The following MT1A variants were observed in gnomAD, a reference collection of about 807,000 sequenced individuals.
MT1A encodes metallothionein 1A, also known as metallothionein-1A.
Under a neutral mutation model 5.5 loss-of-function variants are expected in MT1A, and 6 were observed. That is an observed-to-expected ratio of 1.09 (90% CI 0.60 to 2.16). The LOEUF is 2.16. Among genes scored for constraint, MT1A ranks in the 30% most tolerant of loss-of-function variants. The pLI, the probability that MT1A is intolerant of heterozygous loss-of-function variation, is 0.00. For synonymous variants in MT1A, 23 were observed against 24.8 expected (o/e 0.93, Z 0.21); for missense variants, 69 against 73.4 (o/e 0.94, Z 0.22).
At chr16:56,638,832 G>A (rs1960409604) in intron 1 of MT1A, 66 bp downstream of exon 1, 15 of 1,590,538 alleles carry the variant, frequency 9.4e-6, no homozygotes, top group Non-Finnish European at 1.2e-5. Flanking sequence ...GATGTCCCTA[G>A]GAGTAGAGGT....
chr16:56,639,995 C>T lies in MT1A; in HGVS notation c.*45C>T, dbSNP rs1290863601. Reference sequence around the variant, plus strand: ...GAAGATATAGAAAGAGTGACCTGCACAAACTTGGAATTTTTTTTCCATACA... The same window carrying T: ...GAAGATATAGAAAGAGTGACCTGCATAAACTTGGAATTTTTTTTCCATACA... On this transcript the variant is annotated 3_prime_UTR_variant, in exon 3 of 3. Transcript: ENST00000290705. 1.9e-6 allele frequency: 3 copies of T among 1,607,034 alleles called. No homozygotes were observed. The highest frequency in any genetic ancestry group is 2.2e-5 in the South Asian group (2 of 90,490).
rs1010436105 is a variant in MT1A, at chr16:56,638,842, T to G, written c.28+76T>G. 10 of 1,572,154 alleles carry G rather than the reference T, an allele frequency of 6.4e-6. No individual in the cohort carries two copies. In the Admixed American group the frequency reaches 1.0e-4, roughly 16 times the overall value. The stretch of plus-strand genomic sequence containing the variant: ...GGATAGATGTCCCTAGGAGTAGAGG[T>G]GTTTTTTGAGTTCTAGCTAAGTGGA... On this transcript the variant is annotated intron_variant, in intron 1 of 2. Transcript: ENST00000290705.
chr16:56,638,957 C>T (rs1028630891), intron 1 of MT1A, among the ~76,000 whole-genome samples, 191 bp downstream of exon 1: 3 of 152,076 alleles, frequency 2.0e-5, no homozygotes, highest in Admixed American at 6.5e-5. Context: ...ATTTCAGAGG[C>T]GAGAGGACTC....
rs1960408598 is a variant in MT1A at position 56,638,772 on chromosome 16, G to T, written c.28+6G>T. On this transcript the variant is annotated splice_donor_region_variant and intron_variant, in intron 1 of 2. Transcript: ENST00000290705. The stretch of plus-strand genomic sequence containing the variant: ...CAACTGCTCCTGCGCCACTGGTAAG[G>T]GATGCTAGGTTTCTGGTCCTTAGGA... The T allele has an allele frequency of 1.2e-6, 2 of 1,613,266 alleles. No individual in the cohort carries two copies. Among genetic ancestry groups the T allele is most frequent in the Non-Finnish European group, 1.7e-6 (2 of 1,179,688 alleles).
intron 2 of MT1A, 58 bp downstream of exon 2, chr16:56,639,387 C>T: frequency 1.3e-6 from 2 of 1,556,582 alleles, no homozygotes; most frequent in Non-Finnish European, 1.8e-6. Context: ...GGCAGGAAAC[C>T]AGAGCTGGGC....
chr16:56,639,498 G>A (rs8049883), intron 2 of MT1A, among the ~76,000 whole-genome samples, 169 bp downstream of exon 2: 20,652 of 134,544 alleles, frequency 0.15, 1,428 homozygotes, highest in East Asian at 0.26. Flanking sequence ...CCCAAGTTTC[G>A]TTCTTAAAAT....
At chr16:56,639,832 G>C (rs372132769) in intron 2 of MT1A, 27 bp from the exon 3 acceptor site, 10 of 1,613,804 alleles carry the variant, frequency 6.2e-6, no homozygotes, top group Non-Finnish European at 8.5e-6. Context: ...AGTCTGGTCT[G>C]ACCTCTCACT....
intron 1 of MT1A, 104 bp downstream of exon 1, chr16:56,638,870 C>T (rs1250954938): frequency 7.5e-7 from 1 of 1,335,834 alleles, no homozygotes; most frequent in Non-Finnish European, 1.1e-6. Context: ...TAAGTGGAGT[C>T]ATTTATTTCA....
At chr16:56,638,821 A>T (rs1960409464) in intron 1 of MT1A, 55 bp downstream of exon 1, 5 of 1,602,534 alleles carry the variant, frequency 3.1e-6, no homozygotes, top group Non-Finnish European at 4.3e-6. Context: ...GCCACAGGAT[A>T]GATGTCCCTA....
Position 56,639,325 on chromosome 16 carries a change from G to C in MT1A, c.90G>C (p.Lys30Asn), listed in dbSNP as rs745444039. The C allele has an allele frequency of 6.2e-7, 1 of 1,611,798 alleles. No individual in the cohort carries two copies. The highest frequency in any genetic ancestry group is 1.3e-5 in the African/African-American group (1 of 75,030). Residue 30 changes from lysine (K) to asparagine (N), a missense_variant, in exon 2 of 3, where the codon AAG becomes AAC. Transcript: ENST00000290705. Reference protein sequence around the residue: ...KCKECKCTSCKKSCCSCCPMS... With the variant: ...KCKECKCTSCNKSCCSCCPMS... ...AAGAGTGCAAATGCACCTCCTGCAA[G>C]AAGAGTGAGTGTGGGGCCATCTCCA...
At position 56,639,967 on chromosome 16, in the gene MT1A, C is replaced by T; in HGVS notation, c.*17C>T. ...TGTGCCTGATGTCCGGACAGCCCTGCTCGAAGATATAGAAAGAGTGACCTG... is the reference window on the plus strand; with the variant it reads ...TGTGCCTGATGTCCGGACAGCCCTGTTCGAAGATATAGAAAGAGTGACCTG... On this transcript the variant is annotated 3_prime_UTR_variant, in exon 3 of 3. Transcript: ENST00000290705. The T allele has an allele frequency of 1.9e-6, 3 of 1,613,882 alleles. No homozygotes were observed. Among genetic ancestry groups the T allele is most frequent in the Non-Finnish European group, 1.7e-6 (2 of 1,179,886 alleles).
At chr16:56,639,806 G>A in intron 2 of MT1A, 53 bp from the exon 3 acceptor site, 1 of 1,610,864 alleles carries the variant, frequency 6.2e-7, no homozygotes, top group Non-Finnish European at 8.5e-7. Flanking sequence ...TCTGGGGGCA[G>A]GGAAGTCCCC....
chr16:56,639,669 T>C (rs923558567), intron 2 of MT1A, among the ~76,000 whole-genome samples, 190 bp from the exon 3 acceptor site: 1 of 152,150 alleles, frequency 6.6e-6, no homozygotes, highest in Non-Finnish European at 1.5e-5. Context: ...GGGGCTCAGA[T>C]GGAGATAAGC....
chr16:56,639,094 A>G (rs1259162949), intron 1 of MT1A, among the ~76,000 whole-genome samples, 170 bp from the exon 2 acceptor site: 3 of 152,168 alleles, frequency 2.0e-5, no homozygotes, highest in African/African-American at 4.8e-5. Context: ...GATTAAGGAC[A>G]TAAAGCCCAT....
Position 56,639,229 on chromosome 16 carries a change from G to C in MT1A, c.29-35G>C, listed in dbSNP as rs115088010. ...TGTTGACCAACTGCTGTTATCTTCT[G>C]TATAAAATTCACTGCCTTTTTCTCT... On this transcript the variant is annotated intron_variant, in intron 1 of 2. Transcript: ENST00000290705. The C allele has an allele frequency of 1.0e-3, 1,609 of 1,609,026 alleles. 18 individuals are homozygous for C. The African/African-American group carries it at 0.019, about 19-fold the overall frequency.
At chr16:56,639,803 G>C in intron 2 of MT1A, 56 bp from the exon 3 acceptor site, 1 of 1,608,528 alleles carries the variant, frequency 6.2e-7, no homozygotes, top group Admixed American at 1.7e-5. Context: ...TTCTCTGGGG[G>C]CAGGGAAGTC....
In MT1A at chr16:56,639,330, G is replaced by A; in HGVS notation, c.94+1G>A. Reference sequence around the variant, plus strand: ...TGCAAATGCACCTCCTGCAAGAAGAGTGAGTGTGGGGCCATCTCCAGGAAT... The same window carrying A: ...TGCAAATGCACCTCCTGCAAGAAGAATGAGTGTGGGGCCATCTCCAGGAAT... On this transcript the variant is annotated splice_donor_variant, in intron 2 of 2. Transcript: ENST00000290705. LOFTEE classifies it high-confidence loss of function. 1 of 1,611,890 alleles carries A rather than the reference G, an allele frequency of 6.2e-7. No homozygotes were observed. The highest frequency in any genetic ancestry group is 8.5e-7 in the Non-Finnish European group (1 of 1,178,434).
chr16:56,638,816 A>C, intron 1 of MT1A, 50 bp downstream of exon 1: 8 of 1,606,706 alleles, frequency 5.0e-6, no homozygotes, highest in Non-Finnish European at 6.8e-6. Context: ...TCCCCGCCAC[A>C]GGATAGATGT....
chr16:56,639,246 T>C lies in MT1A; in HGVS notation c.29-18T>C. On this transcript the variant is annotated intron_variant, in intron 1 of 2. Coordinates refer to ENST00000290705, the MANE Select transcript of MT1A (RefSeq NM_005946.3). Reference sequence around the variant, plus strand: ...TATCTTCTGTATAAAATTCACTGCCTTTTTCTCTTCCTTGCAGGTGGCTCC... The same window carrying C: ...TATCTTCTGTATAAAATTCACTGCCCTTTTCTCTTCCTTGCAGGTGGCTCC... 1.2e-6 allele frequency: 2 copies of C among 1,609,652 alleles called. No homozygotes were observed. Among genetic ancestry groups the C allele is most frequent in the Non-Finnish European group, 8.5e-7 (1 of 1,177,036 alleles).
Sources: allele counts gnomAD v4.1 joint callset (sites outside exome capture counted in the v4.1 genomes callset), GRCh38; gene constraint gnomAD v4.1.1; transcripts MANE v1.5; gene names NCBI Gene and HGNC (gene_info 2026-07-23, HGNC 2026-07-21).